The following KIR3DL2 variants were observed in gnomAD, a reference collection of about 807,000 sequenced individuals.
KIR3DL2 encodes the protein killer cell immunoglobulin-like receptor 3DL2.
Under a neutral mutation model 41.6 loss-of-function variants are expected in KIR3DL2, and 42 were observed. That is an observed-to-expected ratio of 1.01 (90% CI 0.79 to 1.31). KIR3DL2 has a LOEUF of 1.31. KIR3DL2 is among the 50% of genes most tolerant of loss of function. The pLI, the probability that KIR3DL2 is intolerant of heterozygous loss-of-function variation, is 0.00. For synonymous variants in KIR3DL2, 230 were observed against 221.3 expected (o/e 1.04, Z -0.35); for missense variants, 728 against 576.8 (o/e 1.26, Z -2.68).
In KIR3DL2 at chr19:54,851,215, TC is replaced by T; in HGVS notation, c.35-3del. Reference sequence around the variant, plus strand: ...TGGATCGTCTATCATGATCTTTCTTTCCAGGGTTCTTCTTGCTGCAGGGGGC... The same window carrying T: ...TGGATCGTCTATCATGATCTTTCTTTCAGGGTTCTTCTTGCTGCAGGGGGC... On this transcript the variant is annotated splice_region_variant and splice_polypyrimidine_tract_variant and intron_variant, in intron 1 of 8. Transcript: ENST00000326321. 1.9e-6 allele frequency: 3 copies of T among 1,610,642 alleles called. No individual in the cohort carries two copies. Among genetic ancestry groups the T allele is most frequent in the Non-Finnish European group, 2.5e-6 (3 of 1,178,602 alleles).
chr19:54,861,254 A>C (rs1216038701), intron 6 of KIR3DL2, among the ~76,000 whole-genome samples: 1 of 151,626 alleles, frequency 6.6e-6, no homozygotes, highest in Non-Finnish European at 1.5e-5. Context: ...CGCTTCACTA[A>C]CTTATTTCTG....
intron 6 of KIR3DL2, among the ~76,000 whole-genome samples, chr19:54,862,853 A>T (rs12979452): frequency 0.52 from 52,502 of 101,466 alleles, 10,635 homozygotes; most frequent in Admixed American, 0.56. Flanking sequence ...GCTTTTTTTT[A>T]AAATTTTTAT....
At chr19:54,853,379 G>A (rs1325352199) in intron 3 of KIR3DL2, among the ~76,000 whole-genome samples, 2 of 151,758 alleles carry the variant, frequency 1.3e-5, no homozygotes, top group Non-Finnish European at 2.9e-5. Context: ...ACCTCTGCCA[G>A]AGACTCCAAT....
intron 5 of KIR3DL2, 146 bp from the exon 6 acceptor site, chr19:54,858,933 C>A (rs758461220): frequency 1.6e-5 from 15 of 909,186 alleles, no homozygotes; most frequent in South Asian, 7.2e-5. Context: ...GCATCGCACA[C>A]AAAAATTATG....
At chr19:54,851,113 C>T in intron 1 of KIR3DL2, 107 bp from the exon 2 acceptor site, 1 of 1,413,254 alleles carries the variant, frequency 7.1e-7, no homozygotes, top group East Asian at 2.3e-5. Context: ...CTAAGTTTAC[C>T]TTCAGCCCAG....
In KIR3DL2 at chr19:54,855,823, A is replaced by C. The variant is rs2064716894; in HGVS notation, c.860A>C (p.His287Pro). The C allele has an allele frequency of 1.9e-6, 3 of 1,613,482 alleles. No homozygotes were observed. The highest frequency in any genetic ancestry group is 2.5e-6 in the Non-Finnish European group (3 of 1,179,936). The change falls in exon 5 of 9, where the codon CAC becomes CCC. Residue 287 changes from histidine to proline, a missense_variant. His to Pro is a moderately conservative substitution (Grantham distance 77). Transcript: ENST00000326321. ...QADFPLGPAT[H>P]GGTYRCFGSF... ...GACTTTCCTCTGGGCCCTGCCACCCACGGAGGGACCTACAGATGCTTCGGC... is the reference window on the plus strand; with the variant it reads ...GACTTTCCTCTGGGCCCTGCCACCCCCGGAGGGACCTACAGATGCTTCGGC...
chr19:54,857,121 C>A (rs2064847181), intron 5 of KIR3DL2, among the ~76,000 whole-genome samples: 1 of 150,762 alleles, frequency 6.6e-6, no homozygotes, highest in Non-Finnish European at 1.5e-5. Context: ...AAGAGTTTCC[C>A]TCCTTAGTCC....
chr19:54,855,982 G>C (rs573805456), intron 5 of KIR3DL2, 70 bp downstream of exon 5: 16 of 1,560,716 alleles, frequency 1.0e-5, no homozygotes, highest in South Asian at 4.5e-5. Flanking sequence ...TCCTGCCGAT[G>C]ATGGGGAGAA....
rs1301703373 is a variant in KIR3DL2, at chr19:54,851,162, C to G, written c.35-58C>G. On this transcript the variant is annotated intron_variant, in intron 1 of 8. Coordinates refer to ENST00000326321, the MANE Select transcript of KIR3DL2 (RefSeq NM_006737.4). ...GCCAAGACACACAGTGCAGTGGGGG[C>G]AGCAGGGTGCCCTGGTTTGCCTGCA... 5 of 1,598,910 alleles carry G rather than the reference C, an allele frequency of 3.1e-6. No individual in the cohort carries two copies. In the African/African-American group the frequency reaches 6.8e-5, roughly 22 times the overall value.
rs1267202211 is a variant in KIR3DL2, at chr19:54,851,991, C to G, written c.71-7C>G. The G allele has an allele frequency of 6.2e-7, 1 of 1,607,898 alleles. No individual in the cohort carries two copies. The highest frequency in any genetic ancestry group is 8.5e-7 in the Non-Finnish European group (1 of 1,176,540). On this transcript the variant is annotated splice_polypyrimidine_tract_variant and splice_region_variant and intron_variant, in intron 2 of 8. Transcript: ENST00000326321. ...CCTCTCTAAGGCAGTGCCTCCTTCT[C>G]CCCCAGGTGGTCAGGACAAACCCTT...
At chr19:54,854,413 A>C (rs1292677821) in intron 4 of KIR3DL2, among the ~76,000 whole-genome samples, 1 of 151,882 alleles carries the variant, frequency 6.6e-6, no homozygotes, top group Non-Finnish European at 1.5e-5. Context: ...TTCTACGAGG[A>C]GAACCCAAGG....
chr19:54,855,516 G>C, intron 4 of KIR3DL2, 103 bp from the exon 5 acceptor site: 1 of 1,470,034 alleles, frequency 6.8e-7, no homozygotes, highest in Non-Finnish European at 9.1e-7. Flanking sequence ...GAGAGAGAGA[G>C]AGCATTAGGT....
At chr19:54,866,329 A>AG in intron 7 of KIR3DL2, 41 bp from the exon 8 acceptor site, 2 of 1,598,668 alleles carry the variant, frequency 1.3e-6, no homozygotes, top group Admixed American at 3.3e-5. Flanking sequence ...AGGACCCAGA[A>AG]GGGCCCTCCA....
intron 6 of KIR3DL2, among the ~76,000 whole-genome samples, chr19:54,864,480 T>C (rs1225264001): frequency 1.3e-5 from 2 of 152,128 alleles, no homozygotes; most frequent in African/African-American, 4.8e-5. Flanking sequence ...TGATTCTTCC[T>C]ACCCATGAGC....
At chr19:54,861,361 A>G (rs1251707904) in intron 6 of KIR3DL2, among the ~76,000 whole-genome samples, 4 of 152,226 alleles carry the variant, frequency 2.6e-5, no homozygotes, top group Non-Finnish European at 4.4e-5. Flanking sequence ...AGCATAATAT[A>G]CAAGGCTGTG....
rs1319673485 is a variant in KIR3DL2 at position 54,851,890 on chromosome 19, G to A, written c.71-108G>A. The A allele has an allele frequency of 2.9e-6, 4 of 1,393,954 alleles. No individual in the cohort carries two copies. The African/African-American group carries it at 4.4e-5, about 15-fold the overall frequency. The allele number at this position is 1,393,954 out of a possible 1,614,324, so 86.3% of individuals were successfully genotyped here. On this transcript the variant is annotated intron_variant, in intron 2 of 8. Coordinates refer to ENST00000326321, the MANE Select transcript of KIR3DL2 (RefSeq NM_006737.4). ...TCCTTCCTGTAGCCCTGGGCACCCAGGTGTGGTAGGAGCCTTAGAAAGCGG... is the reference window on the plus strand; with the variant it reads ...TCCTTCCTGTAGCCCTGGGCACCCAAGTGTGGTAGGAGCCTTAGAAAGCGG...
rs1478700140 is a variant in KIR3DL2, at chr19:54,867,047, CTCT to C, written c.*318_*320del. The C allele has an allele frequency of 3.6e-5, 15 of 419,306 alleles. No individual in the cohort carries two copies. Among genetic ancestry groups the C allele is most frequent in the Non-Finnish European group, 6.0e-5 (14 of 233,680 alleles). 26.0% of individuals were successfully genotyped at this position (419,306 alleles called of 1,614,324 possible). On this transcript the variant is annotated 3_prime_UTR_variant, in exon 9 of 9. Coordinates refer to ENST00000326321, the MANE Select transcript of KIR3DL2 (RefSeq NM_006737.4). ...CAATTCCAAACATACAAGAGGCTCC[CTCT>C]TAACACGGCACTTACACACTTGCTG...
chr19:54,851,911 A>C, intron 2 of KIR3DL2, 87 bp from the exon 3 acceptor site: 1 of 1,529,394 alleles, frequency 6.5e-7, no homozygotes, highest in Non-Finnish European at 8.9e-7. Flanking sequence ...AGCCTTAGAA[A>C]GCGGAAATGG....
At chr19:54,850,970 A>T (rs142392618) in intron 1 of KIR3DL2, among the ~76,000 whole-genome samples, 2,208 of 71,948 alleles carry the variant, frequency 0.031, no homozygotes, top group South Asian at 0.048. Flanking sequence ...ATGGGCCTGG[A>T]GTGGAGATAG....
Sources: allele counts gnomAD v4.1 joint callset (sites outside exome capture counted in the v4.1 genomes callset), GRCh38; gene constraint gnomAD v4.1.1; transcripts MANE v1.5; gene names NCBI Gene and HGNC (gene_info 2026-07-23, HGNC 2026-07-21).